Variants in KCMF1 observed in about 807,000 individuals in gnomAD.
The protein encoded by KCMF1 is E3 ubiquitin-protein ligase KCMF1.
A neutral mutation model predicts 41.1 loss-of-function variants in KCMF1; 3 were observed. The ratio of observed to expected loss-of-function variants is 0.07; its 90% CI spans 0.03 to 0.19. The LOEUF is 0.19. Ranked by LOEUF, KCMF1 falls within the 10% of genes least tolerant of loss-of-function variation. The pLI, the probability that KCMF1 is intolerant of heterozygous loss-of-function variation, is 1.00. For synonymous variants in KCMF1, 142 were observed against 164.5 expected, an observed-to-expected ratio of 0.86 and a Z score of 1.04; for missense variants, 286 against 488.9, an observed-to-expected ratio of 0.58 and a Z score of 3.91.
At chr2:84,999,331 TA>T (rs1170835727) in intron 1 of KCMF1, among the ~76,000 whole-genome samples, 2 of 151,128 alleles carry the variant, frequency 1.3e-5, no homozygotes, top group Non-Finnish European at 3.0e-5. Context: ...TTGTATTTTT[TA>T]AGTAGAGACA....
rs553339043 is a variant in KCMF1, at chr2:85,000,974, T to C, written c.17-26915T>C. 2.0e-5 allele frequency among the ~76,000 whole-genome samples: 3 copies of C among 150,624 alleles called. No homozygotes were observed. In the East Asian group the frequency reaches 5.8e-4, roughly 29 times the overall value. On this transcript the variant is annotated intron_variant, in intron 1 of 6. Coordinates refer to ENST00000409785, the MANE Select transcript of KCMF1 (RefSeq NM_020122.5). ...TTTGGGTTTGTTTTGTTTTGTTTTG[T>C]GGGTTTTCTTTTTTTTTCTTTTTTG...
intron 1 of KCMF1, among the ~76,000 whole-genome samples, chr2:85,014,368 G>A (rs1674715537): frequency 6.6e-6 from 1 of 152,178 alleles, no homozygotes; most frequent in Non-Finnish European, 1.5e-5. Context: ...ATTATCAAAA[G>A]ATATGCTTCA....
At chr2:84,976,457 C>G (rs530162365) in intron 1 of KCMF1, among the ~76,000 whole-genome samples, 1 of 152,110 alleles carries the variant, frequency 6.6e-6, no homozygotes, top group South Asian at 2.1e-4. Context: ...CCACCCACCT[C>G]AGCCTCCTAA....
intron 1 of KCMF1, among the ~76,000 whole-genome samples, chr2:84,978,362 A>G (rs1389333744): frequency 1.3e-5 from 2 of 152,200 alleles, no homozygotes; most frequent in African/African-American, 4.8e-5. Flanking sequence ...ATGATGTGAA[A>G]TAACTAAACA....
Position 85,046,220 on chromosome 2 carries a change from T to C in KCMF1, c.543T>C (p.Leu181=). The change falls in exon 5 of 7, where the codon CTT becomes CTC. Residue 181 remains leucine, a synonymous_variant. Transcript: ENST00000409785. ...MHFTSSSTGG[L]SSSQSSYSPS... is the part of the protein sequence containing the mutation. ...TTACTAGCAGTTCTACTGGTGGACT[T>C]TCTTCTTCTCAGAGTTCATATTCTC... The C allele has an allele frequency of 1.9e-6, 3 of 1,613,500 alleles. No homozygotes were observed. The highest frequency in any genetic ancestry group is 2.5e-6 in the Non-Finnish European group (3 of 1,179,650).
intron 3 of KCMF1, among the ~76,000 whole-genome samples, chr2:85,039,970 G>A (rs955670673): frequency 2.0e-5 from 3 of 151,896 alleles, no homozygotes; most frequent in Admixed American, 6.6e-5. Flanking sequence ...GTGCCACCAC[G>A]CCTGGCTAAT....
intron 3 of KCMF1, among the ~76,000 whole-genome samples, chr2:85,043,352 T>A (rs1675587104): frequency 6.6e-6 from 1 of 152,130 alleles, no homozygotes; most frequent in South Asian, 2.1e-4. Flanking sequence ...AGAGATCAAG[T>A]TTGGTGTGTC....
At chr2:84,992,013 C>T (rs973362440) in intron 1 of KCMF1, among the ~76,000 whole-genome samples, 3 of 152,168 alleles carry the variant, frequency 2.0e-5, no homozygotes, top group Non-Finnish European at 4.4e-5. Context: ...TTCCTGTTTA[C>T]TCTTAAGTTT....
intron 1 of KCMF1, among the ~76,000 whole-genome samples, chr2:84,981,484 T>C (rs935026472): frequency 2.6e-5 from 4 of 152,086 alleles, no homozygotes; most frequent in South Asian, 4.1e-4. Flanking sequence ...CCACCGCGCC[T>C]GGCCTTTTCT....
At chr2:85,042,615 A>G (rs186266501) in intron 3 of KCMF1, among the ~76,000 whole-genome samples, 1 of 152,334 alleles carries the variant, frequency 6.6e-6, no homozygotes, top group East Asian at 1.9e-4. Context: ...CCTTTTGGTC[A>G]TGCCCCTTGC....
chr2:85,028,396 A>T (rs1248942648), intron 2 of KCMF1, among the ~76,000 whole-genome samples: 1 of 148,734 alleles, frequency 6.7e-6, no homozygotes, highest in Non-Finnish European at 1.5e-5. Flanking sequence ...CGTTGGCCAG[A>T]CTGGTCTCGA....
chr2:85,048,010 A>G (rs1675712834), intron 5 of KCMF1, among the ~76,000 whole-genome samples: 1 of 152,168 alleles, frequency 6.6e-6, no homozygotes, highest in Admixed American at 6.5e-5. Context: ...ACTGGGCTTA[A>G]TTGGGTCCTG....
Position 85,056,653 on chromosome 2 carries a change from C to T in KCMF1, c.*3244C>T, listed in dbSNP as rs1675939233. On this transcript the variant is annotated 3_prime_UTR_variant, in exon 7 of 7. Transcript: ENST00000409785. ...AGAAAAGAATCTTTTGAATGGGATTCCTGTAACAGTGTTCAGTACCAATAT... is the reference window on the plus strand; with the variant it reads ...AGAAAAGAATCTTTTGAATGGGATTTCTGTAACAGTGTTCAGTACCAATAT... The T allele has an allele frequency of 6.6e-6, 1 of 152,054 alleles. No homozygotes were observed. Among genetic ancestry groups the T allele is most frequent in the Admixed American group, 6.6e-5 (1 of 15,248 alleles). 9.4% of individuals were successfully genotyped at this position (152,054 alleles called of 1,614,324 possible).
intron 2 of KCMF1, among the ~76,000 whole-genome samples, chr2:85,029,610 A>T (rs1675213687): frequency 6.6e-6 from 1 of 151,886 alleles, no homozygotes; most frequent in African/African-American, 2.4e-5. Context: ...AAAAAAAAAA[A>T]AGGCAGATTG....
rs923635261 is a variant in KCMF1 at position 85,053,875 on chromosome 2, A to G, written c.*466A>G. ...ACTTAAAAAAAAAATACAAAGCCCA[A>G]AGCTTTCCCAAACATTATTCAATGG... is the stretch of plus-strand genomic sequence containing the variant. On this transcript the variant is annotated 3_prime_UTR_variant, in exon 7 of 7. Transcript: ENST00000409785. 2 of 152,942 alleles carry G rather than the reference A, an allele frequency of 1.3e-5. No individual in the cohort carries two copies. The highest frequency in any genetic ancestry group is 4.8e-5 in the African/African-American group (2 of 41,446). 9.5% of individuals were successfully genotyped at this position (152,942 alleles called of 1,614,324 possible).
intron 1 of KCMF1, among the ~76,000 whole-genome samples, chr2:84,993,548 A>T (rs930393143): frequency 6.8e-6 from 1 of 146,020 alleles, no homozygotes; most frequent in South Asian, 2.2e-4. Context: ...CTCTACCCCC[A>T]TTATTTATTT....
Position 85,035,266 on chromosome 2 carries a change from GT to G in KCMF1, c.324+114del. Reference sequence around the variant, plus strand: ...GCTTCCTGCTCAGTGTAATGATACCGTTTGCATAGTTATTAAAATCATCTTT... The same window carrying G: ...GCTTCCTGCTCAGTGTAATGATACCGTTGCATAGTTATTAAAATCATCTTT... On this transcript the variant is annotated intron_variant, in intron 3 of 6. Coordinates refer to ENST00000409785, the MANE Select transcript of KCMF1 (RefSeq NM_020122.5). 3.3e-6 allele frequency: 3 copies of G among 918,638 alleles called. No individual in the cohort carries two copies. In the East Asian group the frequency reaches 8.3e-5, roughly 25 times the overall value. The allele number at this position is 918,638 out of a possible 1,614,324, so 56.9% of individuals were successfully genotyped here. A position where few individuals can be genotyped will look rare whatever the true frequency, so the allele number is the denominator to read the frequency against.
At chr2:84,981,535 C>T (rs1366942131) in intron 1 of KCMF1, among the ~76,000 whole-genome samples, 1 of 152,020 alleles carries the variant, frequency 6.6e-6, no homozygotes, top group Non-Finnish European at 1.5e-5. Context: ...TGCTGGTACT[C>T]AGTGCCAGTG....
Position 84,977,438 on chromosome 2 carries a change from C to T in KCMF1, c.16+5971C>T, listed in dbSNP as rs748454848. ...TGACATTCTTAAGACTTTTTCAGTT[C>T]GTTTTTTGTTTTTGAGACAGGGTCT... On this transcript the variant is annotated intron_variant, in intron 1 of 6. Transcript: ENST00000409785. Among the ~76,000 whole-genome samples, 4 of 152,102 alleles carry T rather than the reference C, an allele frequency of 2.6e-5. No individual in the cohort carries two copies. In the South Asian group the frequency reaches 6.2e-4, roughly 24 times the overall value.
Sources: allele counts gnomAD v4.1 joint callset (sites outside exome capture counted in the v4.1 genomes callset), GRCh38; gene constraint gnomAD v4.1.1; transcripts MANE v1.5; gene names NCBI Gene and HGNC (gene_info 2026-07-23, HGNC 2026-07-21).